MYLK: variants seen among roughly 807,000 people sequenced by gnomAD.
MYLK encodes the protein myosin light chain kinase, also known as myosin light chain kinase, smooth muscle.
A neutral mutation model predicts 203.4 loss-of-function variants in MYLK; 106 were observed. That is an observed-to-expected ratio of 0.52 (90% CI 0.45 to 0.61). The LOEUF (loss-of-function observed/expected upper bound fraction) is 0.61, where lower values mean the gene tolerates loss of function less well. Ranked by LOEUF, MYLK falls within the 20% of genes least tolerant of loss-of-function variation. The pLI, the probability that MYLK is intolerant of heterozygous loss-of-function variation, is 0.00. For synonymous variants in MYLK, 867 were observed against 959.5 expected (o/e 0.90, Z 1.78); for missense variants, 2,072 against 2,442.3 (o/e 0.85, Z 3.20).
At chr3:123,661,354 T>C (rs559750444) in intron 23 of MYLK, among the ~76,000 whole-genome samples, 1 of 152,114 alleles carries the variant, frequency 6.6e-6, no homozygotes, top group Non-Finnish European at 1.5e-5. Flanking sequence ...TGCTTGCTGA[T>C]AGGACGGGAG....
chr3:123,667,584 A>C (rs1025890802), intron 20 of MYLK, among the ~76,000 whole-genome samples: 2 of 151,656 alleles, frequency 1.3e-5, no homozygotes, highest in African/African-American at 4.8e-5. Context: ...AGCCTGGGTG[A>C]CAGAGTGAGA....
intron 2 of MYLK, among the ~76,000 whole-genome samples, chr3:123,838,027 T>C (rs1225397175): frequency 2.0e-5 from 3 of 152,058 alleles, no homozygotes; most frequent in Non-Finnish European, 2.9e-5. Flanking sequence ...ATTAAGCATT[T>C]TCCAAAAATA....
chr3:123,841,572 C>T (rs1346372193), intron 2 of MYLK, among the ~76,000 whole-genome samples: 1 of 152,008 alleles, frequency 6.6e-6, no homozygotes, highest in East Asian at 1.9e-4. Flanking sequence ...TTTTTTCCGT[C>T]TTCAGACATC....
In MYLK at chr3:123,666,960, A is replaced by G. The variant is rs992276671; in HGVS notation, c.3703+177T>C. ...GGGGACCAGGAGCCAGGCTGTGCAG[A>G]GGCTCTCCATGAGCAAACTCAGCCT... On this transcript the variant is annotated intron_variant, in intron 21 of 33. Transcript: ENST00000360304. The G allele has an allele frequency of 2.0e-5, 13 of 652,104 alleles. No homozygotes were observed. In the Admixed American group the frequency reaches 3.2e-4, roughly 16 times the overall value. The allele number at this position is 652,104 out of a possible 1,614,324, so 40.4% of individuals were successfully genotyped here.
intron 2 of MYLK, among the ~76,000 whole-genome samples, chr3:123,849,545 A>G (rs2030480504): frequency 6.6e-6 from 1 of 152,140 alleles, no homozygotes; most frequent in Non-Finnish European, 1.5e-5. Context: ...AAATTATAAC[A>G]TGTGGTACTG....
chr3:123,707,123 G>A (rs1430754311), intron 16 of MYLK, among the ~76,000 whole-genome samples: 1 of 152,164 alleles, frequency 6.6e-6, no homozygotes, highest in Non-Finnish European at 1.5e-5. Flanking sequence ...CACTCAAGCA[G>A]CCCCACGGAG....
rs1020923469 is a variant in MYLK at position 123,873,230 on chromosome 3, A to G, written c.-127+3329T>C. 6.6e-5 allele frequency among the ~76,000 whole-genome samples: 10 copies of G among 152,328 alleles called. No individual in the cohort carries two copies. In the South Asian group the frequency reaches 1.2e-3, roughly 19 times the overall value. Reference sequence around the variant, plus strand: ...TCAACAGATCCGTAAAAAGCGCCTGAACAAATCATTATTCATTCACGGTAA... The same window carrying G: ...TCAACAGATCCGTAAAAAGCGCCTGGACAAATCATTATTCATTCACGGTAA... On this transcript the variant is annotated intron_variant, in intron 2 of 33. Transcript: ENST00000360304.
At chr3:123,695,112 T>C (rs1269681475) in intron 18 of MYLK, among the ~76,000 whole-genome samples, 2 of 152,154 alleles carry the variant, frequency 1.3e-5, no homozygotes, top group African/African-American at 2.4e-5. Context: ...GAAGGGGATG[T>C]GGATGGAGGG....
intron 4 of MYLK, among the ~76,000 whole-genome samples, chr3:123,756,647 C>T (rs528411123): frequency 1.3e-5 from 2 of 152,318 alleles, no homozygotes; most frequent in South Asian, 4.1e-4. Context: ...CAACCCACAG[C>T]CTTAGTACCC....
chr3:123,649,242 T>C (rs1462339069), intron 24 of MYLK, 48 bp from the exon 25 acceptor site: 4 of 1,610,710 alleles, frequency 2.5e-6, no homozygotes, highest in Admixed American at 1.7e-5. Flanking sequence ...TGATTAGTAC[T>C]GAAGGCCCAC....
intron 2 of MYLK, among the ~76,000 whole-genome samples, chr3:123,856,221 C>T (rs1920234): frequency 0.022 from 3,381 of 152,220 alleles, 111 homozygotes; most frequent in African/African-American, 0.075. Context: ...TGGAAAGGAA[C>T]GCTTTGTTGC....
chr3:123,745,287 T>C (rs77678196), intron 5 of MYLK, among the ~76,000 whole-genome samples: 4,272 of 152,162 alleles, frequency 0.028, 188 homozygotes, highest in African/African-American at 0.095. Flanking sequence ...TCCCAATCAC[T>C]GGGAAACCAA....
intron 29 of MYLK, among the ~76,000 whole-genome samples, chr3:123,634,138 G>A (rs2058547399): frequency 6.6e-6 from 1 of 152,172 alleles, no homozygotes; most frequent in Non-Finnish European, 1.5e-5. Flanking sequence ...GAGCTGAGAG[G>A]GCTGAGTAGG....
intron 8 of MYLK, chr3:123,737,156 T>G (rs1402235979): frequency 1.8e-6 from 1 of 549,452 alleles, no homozygotes; most frequent in Non-Finnish European, 3.2e-6. Context: ...GTGGCGGAGG[T>G]TGCAGTGAGC....
intron 4 of MYLK, among the ~76,000 whole-genome samples, chr3:123,759,837 C>G (rs2063478864): frequency 1.3e-5 from 2 of 152,170 alleles, no homozygotes; most frequent in South Asian, 4.1e-4. Flanking sequence ...AAGGAGGAAG[C>G]CATCTGGAGA....
intron 23 of MYLK, among the ~76,000 whole-genome samples, chr3:123,660,342 G>A (rs1223616499): frequency 6.6e-6 from 1 of 152,096 alleles, no homozygotes; most frequent in African/African-American, 2.4e-5. Flanking sequence ...TAGTATTTGG[G>A]GATTATTGGG....
chr3:123,863,219 AC>A (rs2032063158), intron 2 of MYLK, among the ~76,000 whole-genome samples: 1 of 152,172 alleles, frequency 6.6e-6, no homozygotes, highest in African/African-American at 2.4e-5. Flanking sequence ...CCTACTTCAC[AC>A]TATACACAAA....
chr3:123,716,016 C>T (rs1460282016), intron 13 of MYLK: 1 of 152,120 alleles, frequency 6.6e-6, no homozygotes, highest in Admixed American at 6.5e-5. Flanking sequence ...AATGCCATTC[C>T]AACAGCAATT....
intron 2 of MYLK, among the ~76,000 whole-genome samples, chr3:123,861,234 T>C (rs1361635780): frequency 1.3e-5 from 2 of 151,976 alleles, no homozygotes; most frequent in Non-Finnish European, 2.9e-5. Context: ...TGCTCTATAT[T>C]TGAAAAAGAA....
Sources: allele counts gnomAD v4.1 joint callset (sites outside exome capture counted in the v4.1 genomes callset), GRCh38; gene constraint gnomAD v4.1.1; transcripts MANE v1.5; gene names NCBI Gene and HGNC (gene_info 2026-07-23, HGNC 2026-07-21).